NRG1: variants seen among roughly 807,000 people sequenced by gnomAD.
NRG1 encodes neuregulin 1.
NRG1 carries 18 observed loss-of-function variants against 63.8 expected under a neutral mutation model. The ratio of observed to expected loss-of-function variants is 0.28; its 90% confidence interval spans 0.19 to 0.42. The LOEUF is 0.42. Ranked by LOEUF, NRG1 falls within the 10% of genes least tolerant of loss-of-function variation. NRG1 has a pLI of 1.00. For missense variants in NRG1, 762 were observed against 814.7 expected (o/e 0.94, Z 0.79); for synonymous variants, 302 against 301.3 (o/e 1.00, Z -0.02).
At chr8:31,793,227 A>C (rs1162923969) in intron 1 of NRG1, among the ~76,000 whole-genome samples, 1 of 152,126 alleles carries the variant, frequency 6.6e-6, no homozygotes, top group Non-Finnish European at 1.5e-5. Context: ...GCAGATGGAG[A>C]AAAAAATGAA....
chr8:32,459,986 T>G (rs1415857698), intron 1 of NRG1, among the ~76,000 whole-genome samples: 1 of 152,236 alleles, frequency 6.6e-6, no homozygotes, highest in African/African-American at 2.4e-5. Context: ...CACCTTATGT[T>G]AATGTTGTGC....
chr8:31,777,965 G>T (rs1057222790), intron 1 of NRG1, among the ~76,000 whole-genome samples: 2 of 152,058 alleles, frequency 1.3e-5, no homozygotes, highest in African/African-American at 4.8e-5. Flanking sequence ...TCAACATAAG[G>T]TATGGAGGGG....
At chr8:32,049,133 G>A (rs533167387) in intron 1 of NRG1, among the ~76,000 whole-genome samples, 32 of 152,212 alleles carry the variant, frequency 2.1e-4, no homozygotes, top group African/African-American at 6.0e-4. Context: ...CTTAAAGCCA[G>A]GTTCATTTGC....
chr8:32,577,553 A>C (rs1371678950), intron 1 of NRG1, among the ~76,000 whole-genome samples: 5 of 152,202 alleles, frequency 3.3e-5, no homozygotes, highest in African/African-American at 1.2e-4. Context: ...AAGTAGGGCT[A>C]GGTGAAGAGA....
chr8:32,726,139 G>T (rs1822123339), intron 5 of NRG1, among the ~76,000 whole-genome samples: 1 of 151,966 alleles, frequency 6.6e-6, no homozygotes, highest in Non-Finnish European at 1.5e-5. Context: ...TTTATCCATA[G>T]TAATGATTCC....
chr8:32,766,549 A>T (rs1450980641), exon 12 of NRG1: 4 of 152,200 alleles, frequency 2.6e-5, no homozygotes, highest in African/African-American at 9.6e-5. Flanking sequence ...TTAAAACCCT[A>T]AAAATTCTGT....
intron 1 of NRG1, among the ~76,000 whole-genome samples, chr8:32,305,829 A>G (rs2129475529): frequency 6.6e-6 from 1 of 152,316 alleles, no homozygotes; most frequent in East Asian, 1.9e-4. Flanking sequence ...TGCATGTTCA[A>G]GTTCTTGCAT....
chr8:32,348,080 T>G (rs1432101859), intron 1 of NRG1, among the ~76,000 whole-genome samples: 1 of 152,248 alleles, frequency 6.6e-6, no homozygotes, highest in Non-Finnish European at 1.5e-5. Context: ...ATTATTACCC[T>G]GTGGATTCAA....
Position 31,799,332 on chromosome 8 carries a change from G to A in NRG1, c.37+159901G>A, listed in dbSNP as rs561494987. Among the ~76,000 whole-genome samples the A allele has an allele frequency of 1.2e-4, 18 of 152,144 alleles. No homozygotes were observed. The East Asian group carries it at 2.5e-3, about 21-fold the overall frequency. On this transcript the variant is annotated intron_variant, in intron 1 of 10. Transcript: ENST00000519301. ...TCTATATTAATGATCAGTTTTAGGC[G>A]ATACTTGCCAAAATCTAGTTCAGGA...
chr8:32,608,102 TTTTTG>T (rs1331977373), intron 3 of NRG1, among the ~76,000 whole-genome samples: 3 of 116,222 alleles, frequency 2.6e-5, no homozygotes, highest in African/African-American at 3.7e-5. Context: ...GTTTTTTTTT[TTTTTG>T]TTTTTTTTTT....
At chr8:31,668,229 A>G (rs1172342840) in intron 1 of NRG1, among the ~76,000 whole-genome samples, 1 of 152,210 alleles carries the variant, frequency 6.6e-6, no homozygotes, top group African/African-American at 2.4e-5. Flanking sequence ...TTATTCTTGG[A>G]TCATTGGTTT....
At chr8:31,941,510 T>C (rs1038149761) in intron 1 of NRG1, among the ~76,000 whole-genome samples, 20 of 152,076 alleles carry the variant, frequency 1.3e-4, no homozygotes, top group African/African-American at 4.8e-4. Flanking sequence ...TTTCACCACT[T>C]CTATTCAACA....
In NRG1 at chr8:31,683,818, A is replaced by G. The variant is rs185776190; in HGVS notation, c.37+44387A>G. Among the ~76,000 whole-genome samples, 351 of 152,168 alleles carry G rather than the reference A, an allele frequency of 2.3e-3. 2 individuals are homozygous for G. Among genetic ancestry groups the G allele is most frequent in the African/African-American group, 8.1e-3 (338 of 41,538 alleles). On this transcript the variant is annotated intron_variant, in intron 1 of 10. Coordinates refer to the NRG1 transcript ENST00000519301. ...GGGCAGGGGCTATATGGGAACTCTC[A>G]CTACTTTCTGTTCTATGTTGCTGTG...
chr8:31,827,966 G>T (rs1024093109), intron 1 of NRG1, among the ~76,000 whole-genome samples: 1 of 152,154 alleles, frequency 6.6e-6, no homozygotes, highest in Non-Finnish European at 1.5e-5. Flanking sequence ...GTCCCAGAGG[G>T]ATCTGTCTGT....
chr8:32,553,150 T>C (rs926572655), intron 1 of NRG1, among the ~76,000 whole-genome samples: 4 of 152,196 alleles, frequency 2.6e-5, no homozygotes, highest in African/African-American at 9.7e-5. Context: ...ACTTAATCTT[T>C]CTGTGCCTAA....
intron 1 of NRG1, among the ~76,000 whole-genome samples, chr8:32,082,077 T>C (rs1361995317): frequency 6.6e-6 from 1 of 152,076 alleles, no homozygotes; most frequent in Admixed American, 6.6e-5. Flanking sequence ...ATCAACTAAT[T>C]AAGATCTTGT....
intron 1 of NRG1, among the ~76,000 whole-genome samples, chr8:32,368,233 G>A (rs919445626): frequency 6.6e-6 from 1 of 152,168 alleles, no homozygotes; most frequent in Non-Finnish European, 1.5e-5. Flanking sequence ...AGTAGCTTCT[G>A]AGTAATGAAG....
intron 1 of NRG1, among the ~76,000 whole-genome samples, chr8:32,274,425 C>A (rs781649364): frequency 2.6e-5 from 4 of 152,192 alleles, no homozygotes; most frequent in Non-Finnish European, 4.4e-5. Flanking sequence ...CTCCAGACCA[C>A]ACTGTTTAGC....
chr8:32,646,519 T>A (rs1466579039), intron 5 of NRG1, among the ~76,000 whole-genome samples: 2 of 152,036 alleles, frequency 1.3e-5, no homozygotes, highest in East Asian at 3.9e-4. Context: ...AAGCCTCAGG[T>A]CCAACCCATA....
Sources: gnomAD v4.1 joint callset for allele counts (sites outside exome capture counted in the v4.1 genomes callset) on GRCh38, gnomAD v4.1.1 for gene constraint, MANE v1.5 for transcripts, NCBI Gene and HGNC (gene_info 2026-07-23, HGNC 2026-07-21) for gene names.